SUCLG2: variants seen among roughly 807,000 people sequenced by gnomAD.
The protein encoded by SUCLG2 is succinate-CoA ligase GDP-forming subunit beta, also known as succinate--CoA ligase [GDP-forming] subunit beta, mitochondrial.
Under a neutral mutation model 47.9 loss-of-function variants are expected in SUCLG2, and 42 were observed. That is an observed-to-expected ratio of 0.88 (90% CI 0.69 to 1.14). The LOEUF (loss-of-function observed/expected upper bound fraction) is 1.14, where lower values mean the gene tolerates loss of function less well. Ranked by LOEUF, SUCLG2 falls within the 50% of genes most tolerant of loss-of-function variation. The pLI, the probability that SUCLG2 is intolerant of heterozygous loss-of-function variation, is 0.00. For synonymous variants in SUCLG2, 195 were observed against 197.3 expected, an observed-to-expected ratio of 0.99 and a Z score of 0.10; for missense variants, 571 against 525.9, an observed-to-expected ratio of 1.09 and a Z score of -0.84.
intron 10 of SUCLG2, among the ~76,000 whole-genome samples, chr3:67,385,469 C>T (rs940845307): frequency 2.0e-5 from 3 of 152,192 alleles, no homozygotes; most frequent in Non-Finnish European, 4.4e-5. Context: ...TGGCTCCATC[C>T]GGGAGTGGTG....
intron 10 of SUCLG2, chr3:67,360,866 T>C (rs933592463): frequency 1.0e-6 from 1 of 985,518 alleles, no homozygotes; most frequent in African/African-American, 1.6e-5. Context: ...TTACTCCTAT[T>C]CCTTAATGGA....
chr3:67,419,953 C>T (rs1007085493), intron 9 of SUCLG2, among the ~76,000 whole-genome samples: 3 of 152,124 alleles, frequency 2.0e-5, no homozygotes, highest in Admixed American at 2.0e-4. Flanking sequence ...ACAGAAAAGA[C>T]ACTGCAAGGA....
At chr3:67,637,516 T>G (rs1701030194) in intron 1 of SUCLG2, among the ~76,000 whole-genome samples, 1 of 152,224 alleles carries the variant, frequency 6.6e-6, no homozygotes, top group Non-Finnish European at 1.5e-5. Context: ...GGCAATTTAC[T>G]GACTTACATA....
intron 9 of SUCLG2, among the ~76,000 whole-genome samples, chr3:67,436,791 C>T (rs1357977012): frequency 6.6e-6 from 1 of 152,146 alleles, no homozygotes; most frequent in Non-Finnish European, 1.5e-5. Flanking sequence ...ATCTTGAATA[C>T]AAATTATACA....
At chr3:67,460,103 T>C (rs1177727612) in intron 9 of SUCLG2, among the ~76,000 whole-genome samples, 2 of 152,152 alleles carry the variant, frequency 1.3e-5, no homozygotes, top group Non-Finnish European at 2.9e-5. Context: ...GATTCTACTA[T>C]TAAGGAAGAA....
chr3:67,649,819 A>G (rs747845052), intron 1 of SUCLG2, among the ~76,000 whole-genome samples: 2 of 152,230 alleles, frequency 1.3e-5, no homozygotes, highest in Non-Finnish European at 2.9e-5. Flanking sequence ...AGTGGTAAAG[A>G]CAGCTGAAGG....
intron 9 of SUCLG2, among the ~76,000 whole-genome samples, chr3:67,472,864 C>T (rs1423670738): frequency 2.0e-5 from 3 of 149,066 alleles, no homozygotes; most frequent in South Asian, 2.1e-4. Flanking sequence ...TACTACTAAA[C>T]GTATCTAAGA....
chr3:67,401,505 T>G (rs1702682539), intron 9 of SUCLG2, among the ~76,000 whole-genome samples: 1 of 150,926 alleles, frequency 6.6e-6, no homozygotes, highest in South Asian at 2.1e-4. Flanking sequence ...TTCTTAGAAA[T>G]GTAAATTTAA....
At chr3:67,502,883 G>T (rs1705536831) in intron 7 of SUCLG2, among the ~76,000 whole-genome samples, 1 of 152,160 alleles carries the variant, frequency 6.6e-6, no homozygotes, top group Admixed American at 6.5e-5. Context: ...TAGAAAACAA[G>T]ATTTTTGGCT....
intron 1 of SUCLG2, among the ~76,000 whole-genome samples, chr3:67,652,033 T>C (rs1239314696): frequency 6.6e-6 from 1 of 151,970 alleles, no homozygotes; most frequent in East Asian, 1.9e-4. Context: ...CCCCAGGGCC[T>C]ACAACAGTCC....
chr3:67,384,808 G>A (rs987073408), intron 10 of SUCLG2, among the ~76,000 whole-genome samples: 1 of 152,182 alleles, frequency 6.6e-6, no homozygotes, highest in East Asian at 1.9e-4. Context: ...TTTCCACTGA[G>A]CTGGGATATA....
chr3:67,423,155 G>A (rs1259474738), intron 9 of SUCLG2, among the ~76,000 whole-genome samples: 2 of 152,062 alleles, frequency 1.3e-5, no homozygotes, highest in African/African-American at 4.8e-5. Flanking sequence ...ATTGGATCAT[G>A]GGGGCGGTTC....
At chr3:67,469,896 T>C (rs1211253469) in intron 9 of SUCLG2, among the ~76,000 whole-genome samples, 1 of 151,814 alleles carries the variant, frequency 6.6e-6, no homozygotes, top group African/African-American at 2.4e-5. Flanking sequence ...AGATACATAA[T>C]TAGCTGGGTG....
intron 10 of SUCLG2, among the ~76,000 whole-genome samples, chr3:67,385,184 T>C (rs1036783551): frequency 1.2e-4 from 18 of 152,342 alleles, no homozygotes; most frequent in Admixed American, 1.2e-3. Flanking sequence ...GTTCTGACAC[T>C]ATAAGGCAGC....
chr3:67,511,879 G>GT lies in SUCLG2; in HGVS notation c.661-2977dup, dbSNP rs368963589. Reference sequence around the variant, plus strand: ...GGTGTGTGTGTGTGTACAAGAGAGTGTTGCTTTGTCACCTAGACTGGAGCG... The same window carrying GT: ...GGTGTGTGTGTGTGTACAAGAGAGTGTTTGCTTTGTCACCTAGACTGGAGCG... On this transcript the variant is annotated intron_variant, in intron 6 of 10. Coordinates refer to ENST00000307227, the MANE Select transcript of SUCLG2 (RefSeq NM_003848.4). Among the ~76,000 whole-genome samples the GT allele has an allele frequency of 2.1e-4, 31 of 146,988 alleles. 2 individuals carry two copies. The highest frequency in any genetic ancestry group is 7.1e-4 in the African/African-American group (26 of 36,864).
At chr3:67,423,161 G>A (rs908438286) in intron 9 of SUCLG2, among the ~76,000 whole-genome samples, 7 of 152,136 alleles carry the variant, frequency 4.6e-5, no homozygotes, top group Middle Eastern at 3.4e-3. Flanking sequence ...TCATGGGGGC[G>A]GTTCCCCCAT....
At chr3:67,492,364 CA>C (rs1213656530) in intron 9 of SUCLG2, among the ~76,000 whole-genome samples, 2 of 152,154 alleles carry the variant, frequency 1.3e-5, no homozygotes, top group Non-Finnish European at 2.9e-5. Context: ...ACATTTGCTA[CA>C]CCTTTGGAAT....
rs4640580 is a variant in SUCLG2 at position 67,489,818 on chromosome 3, T to C, written c.1062+5980A>G. On this transcript the variant is annotated intron_variant, in intron 9 of 10. Coordinates refer to ENST00000307227, the MANE Select transcript of SUCLG2 (RefSeq NM_003848.4). ...AAAGCCAGTTAGGCCTCATAAGTGA[T>C]CTTAACTCTGCTTGATTTGCAGACA... is the stretch of plus-strand genomic sequence containing the variant. 4.5e-3 allele frequency among the ~76,000 whole-genome samples: 683 copies of C among 152,292 alleles called. 12 individuals carry two copies. In the East Asian group the frequency reaches 0.059, roughly 13 times the overall value.
chr3:67,649,422 T>C (rs1701247728), intron 1 of SUCLG2, among the ~76,000 whole-genome samples: 1 of 152,228 alleles, frequency 6.6e-6, no homozygotes, highest in Admixed American at 6.5e-5. Context: ...GCTACATAAA[T>C]GATATTTGTT....
Sources: gnomAD v4.1 joint callset for allele counts (sites outside exome capture counted in the v4.1 genomes callset) on GRCh38, gnomAD v4.1.1 for gene constraint, MANE v1.5 for transcripts, NCBI Gene and HGNC (gene_info 2026-07-23, HGNC 2026-07-21) for gene names.